Variants in ZBTB25 observed in about 807,000 individuals in gnomAD.
The protein encoded by ZBTB25 is zinc finger and BTB domain containing 25, also known as zinc finger and BTB domain-containing protein 25.
In ZBTB25, 20 loss-of-function variants were observed where a neutral mutation model predicts 34.2. That is an observed-to-expected ratio of 0.58 (90% confidence interval 0.41 to 0.85). ZBTB25 has a LOEUF of 0.85. Among genes scored for constraint, ZBTB25 ranks in the 40% least tolerant of loss-of-function variants. The pLI, the probability that ZBTB25 is intolerant of heterozygous loss-of-function variation, is 0.00. For missense variants in ZBTB25, 437 were observed against 521.8 expected (o/e 0.84, Z 1.58); for synonymous variants, 175 against 186.4 (o/e 0.94, Z 0.50).
chr14:64,458,059 T>C, intron 2 of ZBTB25: 1 of 705,788 alleles, frequency 1.4e-6, no homozygotes, highest in Non-Finnish European at 2.6e-6. Flanking sequence ...TCCAGCTAAT[T>C]TTTTATTTCC....
At position 64,487,321 on chromosome 14, in the gene ZBTB25, C is replaced by T. The variant is rs761709730; in HGVS notation, c.910G>A (p.Glu304Lys). Residue 304 changes from glutamate to lysine, a missense_variant, in exon 3 of 3, where the codon GAG (glutamate) becomes AAG (lysine). Coordinates refer to ENST00000608382, the MANE Select transcript of ZBTB25 (RefSeq NM_006977.5). ...CRRLSSFIVK[E>K]NEQQPDHTNR... ...GTGTGGTCTGGCTGCTGTTCATTCTCCTTAACAATGAAGGAGCTGAGCCTG... is the reference window on the plus strand; with the variant it reads ...GTGTGGTCTGGCTGCTGTTCATTCTTCTTAACAATGAAGGAGCTGAGCCTG... The T allele has an allele frequency of 5.6e-6, 9 of 1,614,034 alleles. No homozygotes were observed. Among genetic ancestry groups the T allele is most frequent in the Non-Finnish European group, 5.9e-6 (7 of 1,180,014 alleles).
downstream of ZBTB25, among the ~76,000 whole-genome samples, chr14:64,477,305 A>G (rs752008816): frequency 1.3e-5 from 2 of 152,186 alleles, no homozygotes; most frequent in Non-Finnish European, 2.9e-5. Flanking sequence ...CATGGCCATC[A>G]TGGTGGCTCT....
At chr14:64,465,678 A>G (rs1350972027) in intron 2 of ZBTB25, 1 of 151,930 alleles carries the variant, frequency 6.6e-6, no homozygotes, top group Admixed American at 6.5e-5. Context: ...CGGTCCGCGG[A>G]CCGCGGAGTG....
At position 64,486,955 on chromosome 14, in the gene ZBTB25, G is replaced by C. The variant is rs754770363; in HGVS notation, c.1276C>G (p.Gln426Glu). 7.4e-6 allele frequency: 12 copies of C among 1,612,828 alleles called. No individual in the cohort carries two copies. Among genetic ancestry groups the C allele is most frequent in the African/African-American group, 1.3e-5 (1 of 74,872 alleles). Residue 426 changes from glutamine to glutamate, a missense_variant, in exon 3 of 3, where the codon CAA becomes GAA. Gln to Glu is a conservative substitution (Grantham distance 29). Coordinates refer to ENST00000608382, the MANE Select transcript of ZBTB25 (RefSeq NM_006977.5). ...ACTAGGATAGTATCCACATTTTCTT[G>C]TGTGAGCTCTGACTCTAAGGCACAA... ...LPCALESELTQENVDTILVE is the reference protein window; with the variant it reads ...LPCALESELTEENVDTILVE
rs940008166 is a variant in ZBTB25 at position 64,479,696 on chromosome 14, T to G, written c.*7227A>C. 2.0e-5 allele frequency: 3 copies of G among 152,218 alleles called. No homozygotes were observed. Among genetic ancestry groups the G allele is most frequent in the Non-Finnish European group, 4.4e-5 (3 of 68,050 alleles). The allele number at this position is 152,218 out of a possible 1,614,324, so 9.4% of individuals were successfully genotyped here. A position where few individuals can be genotyped will look rare whatever the true frequency, so the allele number is the denominator to read the frequency against. On this transcript the variant is annotated 3_prime_UTR_variant, in exon 3 of 3. Coordinates refer to ENST00000608382, the MANE Select transcript of ZBTB25 (RefSeq NM_006977.5). ...GTCTTTTCTTCCCTTTGGACCCAAATGGAAACATCAGCTCTTCTTGAGTTT... is the reference window on the plus strand; with the variant it reads ...GTCTTTTCTTCCCTTTGGACCCAAAGGGAAACATCAGCTCTTCTTGAGTTT...
intron 2 of ZBTB25, chr14:64,469,502 C>A: frequency 6.2e-7 from 1 of 1,612,970 alleles, no homozygotes; most frequent in Non-Finnish European, 8.5e-7. Flanking sequence ...TGAAAATGAG[C>A]AAGTAGGGGT....
At chr14:64,492,198 T>C (rs958775007) in intron 1 of ZBTB25, among the ~76,000 whole-genome samples, 1 of 38,178 alleles carries the variant, frequency 2.6e-5, no homozygotes, top group Admixed American at 4.4e-4. Context: ...CCCCAAGTTA[T>C]ATTATTATTA....
chr14:64,494,361 A>T (rs1194162543), intron 1 of ZBTB25, among the ~76,000 whole-genome samples: 1 of 152,244 alleles, frequency 6.6e-6, no homozygotes, highest in African/African-American at 2.4e-5. Context: ...GGCCAAGCGC[A>T]GTGGCCCACG....
chr14:64,463,626 A>AC (rs1161018973), intron 2 of ZBTB25, among the ~76,000 whole-genome samples: 2 of 124,384 alleles, frequency 1.6e-5, no homozygotes, highest in Non-Finnish European at 3.5e-5. Context: ...CGCCATCTCT[A>AC]CAAAAAAAAA....
chr14:64,452,802 AAC>A (rs1288577725), intron 2 of ZBTB25, among the ~76,000 whole-genome samples: 77 of 152,316 alleles, frequency 5.1e-4, no homozygotes, highest in African/African-American at 1.8e-3. Flanking sequence ...TTATTTCATA[AAC>A]AGTGTCCCCA....
At position 64,485,605 on chromosome 14, in the gene ZBTB25, G is replaced by A. The variant is rs2078849634; in HGVS notation, c.*1318C>T. 1.3e-5 allele frequency: 13 copies of A among 985,142 alleles called. No individual in the cohort carries two copies. The highest frequency in any genetic ancestry group is 1.7e-5 in the African/African-American group (1 of 57,198). The allele number at this position is 985,142 out of a possible 1,614,324, so 61.0% of individuals were successfully genotyped here. A position where few individuals can be genotyped will look rare whatever the true frequency, so the allele number is the denominator to read the frequency against. On this transcript the variant is annotated 3_prime_UTR_variant, in exon 3 of 3. Coordinates refer to ENST00000608382, the MANE Select transcript of ZBTB25 (RefSeq NM_006977.5). ...TTATAGAGGAAAAGCTAACATCATGGATCTTAAATGTAGTTATAGAACACT... is the reference window on the plus strand; with the variant it reads ...TTATAGAGGAAAAGCTAACATCATGAATCTTAAATGTAGTTATAGAACACT...
At chr14:64,478,025 G>A (rs952195835), downstream of ZBTB25, 2 of 152,210 alleles carry the variant, frequency 1.3e-5, no homozygotes, top group African/African-American at 2.4e-5. Flanking sequence ...TCCTTCAGAC[G>A]TTTGACATGA....
rs767929775 is a variant in ZBTB25 at position 64,490,362 on chromosome 14, T to C, written c.172A>G (p.Ser58Gly). ...TTATTTACAAAAACACATCCTTACC[T>C]TGTTTGGTGAATAAATATCATCTTG... is the stretch of plus-strand genomic sequence containing the variant. ...YFKMIFIHQT[S>G]ECIKIQPTDI... The change falls in exon 2 of 3, where the codon AGT becomes GGT. Residue 58 changes from serine to glycine, a missense_variant and splice_region_variant. Transcript: ENST00000608382. 5.1e-5 allele frequency: 81 copies of C among 1,583,490 alleles called. No homozygotes were observed. Among genetic ancestry groups the C allele is most frequent in the Non-Finnish European group, 6.5e-5 (75 of 1,161,574 alleles).
Position 64,487,933 on chromosome 14 carries a change from G to A in ZBTB25, c.298C>T (p.Arg100Ter), listed in dbSNP as rs866861977. Residue 100 changes from arginine (R) to a stop codon, truncating the protein, a stop_gained, in exon 3 of 3, where the codon CGA (arginine) becomes TGA (stop). Transcript: ENST00000608382. LOFTEE classifies it high-confidence loss of function. ...VDHSRLEEGI[R>*]FLHADYLSHI... ...GAAAGGTAGTCGGCGTGAAGAAATC[G>A]AATCCCTTCCTCCAAACGACTATGA... 2.5e-6 allele frequency: 4 copies of A among 1,614,110 alleles called. No individual in the cohort carries two copies. The highest frequency in any genetic ancestry group is 2.2e-5 in the South Asian group (2 of 91,078).
At chr14:64,472,605 T>C (rs1416166328) in intron 2 of ZBTB25, 4 of 167,044 alleles carry the variant, frequency 2.4e-5, no homozygotes, top group Non-Finnish European at 4.4e-5. Context: ...ATTGAGAATA[T>C]CTGTTGAATT....
At chr14:64,501,441 T>C (rs2079493615) in intron 1 of ZBTB25, among the ~76,000 whole-genome samples, 1 of 152,244 alleles carries the variant, frequency 6.6e-6, no homozygotes, top group African/African-American at 2.4e-5. Context: ...TGGAGCAATA[T>C]TTTCTTAGCT....
rs2078737640 is a variant in ZBTB25, at chr14:64,478,217, T to C, written c.*8706A>G. 6.6e-6 allele frequency: 1 copy of C among 152,168 alleles called. No homozygotes were observed. Among genetic ancestry groups the C allele is most frequent in the South Asian group, 2.1e-4 (1 of 4,828 alleles). The allele number at this position is 152,168 out of a possible 1,614,324, so 9.4% of individuals were successfully genotyped here. On this transcript the variant is annotated 3_prime_UTR_variant, in exon 3 of 3. Coordinates refer to ENST00000608382, the MANE Select transcript of ZBTB25 (RefSeq NM_006977.5). ...TTAGGAGAAGCAACTGGTGATTAGGTACAAAGTCCTAGGATGATGAGAATA... is the reference window on the plus strand; with the variant it reads ...TTAGGAGAAGCAACTGGTGATTAGGCACAAAGTCCTAGGATGATGAGAATA...
At chr14:64,454,132 A>G (rs1016620330) in intron 2 of ZBTB25, among the ~76,000 whole-genome samples, 16 of 152,170 alleles carry the variant, frequency 1.1e-4, no homozygotes, top group African/African-American at 3.6e-4. Flanking sequence ...TGTTATTTTG[A>G]GATAGGGTCT....
At chr14:64,465,770 T>C (rs955192443) in intron 2 of ZBTB25, among the ~76,000 whole-genome samples, 27 of 152,146 alleles carry the variant, frequency 1.8e-4, no homozygotes, top group Non-Finnish European at 3.8e-4. Context: ...GCTTGTCCGC[T>C]GGAATCCGCG....
Sources: gnomAD v4.1 joint callset for allele counts (sites outside exome capture counted in the v4.1 genomes callset) on GRCh38, gnomAD v4.1.1 for gene constraint, MANE v1.5 for transcripts, NCBI Gene and HGNC (gene_info 2026-07-23, HGNC 2026-07-21) for gene names.